The following PRRC2C variants were observed in gnomAD, a reference collection of about 807,000 sequenced individuals.
The protein encoded by PRRC2C is protein PRRC2C.
In PRRC2C, 72 loss-of-function variants were observed where a neutral mutation model predicts 317.2. The ratio of observed to expected loss-of-function variants is 0.23; its 90% confidence interval spans 0.19 to 0.28. The LOEUF (loss-of-function observed/expected upper bound fraction) is 0.28. Ranked by LOEUF, PRRC2C falls within the 10% of genes least tolerant of loss-of-function variation. The pLI is 1.00. For synonymous variants in PRRC2C, 1,296 were observed against 1,205.9 expected (o/e 1.07, Z -1.55); for missense variants, 3,074 against 3,459.7 (o/e 0.89, Z 2.80).
chr1:171,497,981 A>AT (rs60519098), intron 1 of PRRC2C, among the ~76,000 whole-genome samples: 148 of 130,664 alleles, frequency 1.1e-3, no homozygotes, highest in Non-Finnish European at 1.3e-3. Flanking sequence ...TACCCAGCTA[A>AT]TTTTTTTTTT....
intron 17 of PRRC2C, 115 bp downstream of exon 17, chr1:171,545,802 G>C: frequency 1.4e-6 from 1 of 725,484 alleles, no homozygotes; most frequent in Non-Finnish European, 1.9e-6. Context: ...AAGAAGGAAA[G>C]ATTTGGACAT....
intron 23 of PRRC2C, among the ~76,000 whole-genome samples, chr1:171,569,752 C>A (rs1684415495): frequency 6.6e-6 from 1 of 150,628 alleles, no homozygotes; most frequent in South Asian, 2.1e-4. Flanking sequence ...TTTAATTATA[C>A]TTTGTGTCTT....
chr1:171,514,655 C>CA lies in PRRC2C; in HGVS notation c.400+11dup. On this transcript the variant is annotated intron_variant, in intron 4 of 34. Coordinates refer to ENST00000647382, the MANE Select transcript of PRRC2C (RefSeq NM_001387844.1). ...GGTGGGCAAGGAGATGGTAAGTGGACATTAGTTGGGGAAGCTGCCTAGGCT... is the reference window on the plus strand; with the variant it reads ...GGTGGGCAAGGAGATGGTAAGTGGACAATTAGTTGGGGAAGCTGCCTAGGCT... 1 of 1,550,782 alleles carries CA rather than the reference C, an allele frequency of 6.4e-7. No individual in the cohort carries two copies. The highest frequency in any genetic ancestry group is 8.7e-7 in the Non-Finnish European group (1 of 1,145,816).
At chr1:171,507,622 A>T (rs186620449) in intron 1 of PRRC2C, among the ~76,000 whole-genome samples, 1 of 152,056 alleles carries the variant, frequency 6.6e-6, no homozygotes, top group Non-Finnish European at 1.5e-5. Flanking sequence ...TCAAAAAAAA[A>T]ATCTCTACCT....
At chr1:171,505,934 C>T (rs966779606) in intron 1 of PRRC2C, among the ~76,000 whole-genome samples, 1 of 152,174 alleles carries the variant, frequency 6.6e-6, no homozygotes, top group East Asian at 1.9e-4. Context: ...GCTTTTGTTA[C>T]CGTTGTGTAC....
chr1:171,545,175 A>G (rs541597713), intron 16 of PRRC2C, among the ~76,000 whole-genome samples: 111 of 152,318 alleles, frequency 7.3e-4, no homozygotes, highest in African/African-American at 2.7e-3. Context: ...TCTGCTATAA[A>G]CAGTGTTAAT....
At chr1:171,536,442 A>T (rs1168604437) in intron 14 of PRRC2C, among the ~76,000 whole-genome samples, 164 bp downstream of exon 14, 2 of 152,182 alleles carry the variant, frequency 1.3e-5, no homozygotes, top group Non-Finnish European at 2.9e-5. Flanking sequence ...TCTGACACTC[A>T]TATTACTTAT....
At chr1:171,561,167 G>C in intron 20 of PRRC2C, 64 bp downstream of exon 20, 1 of 1,438,344 alleles carries the variant, frequency 7.0e-7, no homozygotes, top group Middle Eastern at 1.7e-4. Flanking sequence ...GTGTGGCCGG[G>C]TGTGGTGGCT....
intron 17 of PRRC2C, among the ~76,000 whole-genome samples, chr1:171,546,547 ACAT>A (rs1679150627): frequency 6.6e-6 from 1 of 152,214 alleles, no homozygotes; most frequent in Non-Finnish European, 1.5e-5. Context: ...TGTGGTCCCC[ACAT>A]CATCAGCATT....
At chr1:171,564,590 C>A (rs149260512) in intron 20 of PRRC2C, among the ~76,000 whole-genome samples, 3 of 152,280 alleles carry the variant, frequency 2.0e-5, no homozygotes, top group African/African-American at 7.2e-5. Context: ...AACAGAGATA[C>A]GTCCTGAGAA....
intron 18 of PRRC2C, among the ~76,000 whole-genome samples, chr1:171,553,859 A>G (rs1421622817): frequency 6.6e-6 from 1 of 152,134 alleles, no homozygotes; most frequent in African/African-American, 2.4e-5. Context: ...CTGTTCTTTT[A>G]CATTTGGTGA....
intron 11 of PRRC2C, among the ~76,000 whole-genome samples, chr1:171,528,323 C>T (rs185613086): frequency 7.0e-6 from 1 of 142,440 alleles, no homozygotes; most frequent in Admixed American, 7.2e-5. Flanking sequence ...GAGTCTAGCT[C>T]TGTCGCCCAG....
chr1:171,579,280 G>A, intron 26 of PRRC2C, 74 bp from the exon 27 acceptor site: 1 of 1,499,268 alleles, frequency 6.7e-7, no homozygotes. Context: ...TACAAAACTT[G>A]GTTTTTATTT....
rs568173061 is a variant in PRRC2C at position 171,532,846 on chromosome 1, A to G, written c.1758A>G (p.Glu586=). ...AACTACAAAAGATGAAAGAACAAGA[A>G]AAGGAATGTGAGCTGGAGAAGGAAA... The part of the protein sequence containing the change: ...EKELQKMKEQ[E]KECELEKERE... The change falls in exon 12 of 35, where the codon GAA becomes GAG. Residue 586 remains glutamate (E), a synonymous_variant. Transcript: ENST00000647382. 10 of 1,602,120 alleles carry G rather than the reference A, an allele frequency of 6.2e-6. No homozygotes were observed. The East Asian group carries it at 1.8e-4, about 29-fold the overall frequency.
At chr1:171,552,617 A>C (rs1039503823) in intron 18 of PRRC2C, among the ~76,000 whole-genome samples, 3 of 152,172 alleles carry the variant, frequency 2.0e-5, no homozygotes, top group Non-Finnish European at 4.4e-5. Context: ...AGTAGCTCTT[A>C]TTATTTTGAG....
In PRRC2C at chr1:171,568,242, C is replaced by T; in HGVS notation, c.6559-5C>T. 1 of 1,598,940 alleles carries T rather than the reference C, an allele frequency of 6.3e-7. No homozygotes were observed. Among genetic ancestry groups the T allele is most frequent in the Non-Finnish European group, 8.5e-7 (1 of 1,172,212 alleles). ...ATGTATTTTTTTTCTATTACTACTT[C>T]ACAGGAGTCTGTAACAGACTATACT... On this transcript the variant is annotated splice_region_variant and splice_polypyrimidine_tract_variant and intron_variant, in intron 22 of 34. Transcript: ENST00000647382.
At chr1:171,572,121 A>G (rs1684859154) in intron 24 of PRRC2C, among the ~76,000 whole-genome samples, 1 of 151,916 alleles carries the variant, frequency 6.6e-6, no homozygotes, top group South Asian at 2.1e-4. Context: ...AAAAGTGCAA[A>G]CATGGAATTA....
chr1:171,542,162 G>A lies in PRRC2C; in HGVS notation c.4696G>A (p.Gly1566Arg). ...RRGNNGPPKS[G>R]RNFSGPRNER... ...TGGCAACAATGGTCCACCCAAATCA[G>A]GAAGGAATTTCTCAGGTCCTAGAAA... Residue 1566 changes from glycine (G) to arginine (R), a missense_variant, in exon 16 of 35, where the codon GGA becomes AGA. Around this residue, in one of 11 missense-constraint regions of PRRC2C, gnomAD observed 178 missense variants for 163.0 expected, o/e 1.09. Transcript: ENST00000647382. 6.2e-7 allele frequency: 1 copy of A among 1,605,582 alleles called. No homozygotes were observed. The highest frequency in any genetic ancestry group is 8.5e-7 in the Non-Finnish European group (1 of 1,176,904).
At position 171,524,871 on chromosome 1, in the gene PRRC2C, C is replaced by T; in HGVS notation, c.1106C>T (p.Thr369Ile). The change falls in exon 10 of 35, where the codon ACA becomes ATA. Residue 369 changes from threonine to isoleucine, a missense_variant. Physicochemically the swap from Thr to Ile is moderately conservative, Grantham distance 89. Around this residue, in one of 11 missense-constraint regions of PRRC2C, gnomAD observed 1,320 missense variants for 1,395.7 expected, o/e 0.95. Transcript: ENST00000647382. ...GAAAACAACGAAAACAAAAAAGAAA[C>T]AGATGAAGTTTCCAACACTAAATCA... ...ASENNENKKETDEVSNTKSSS... is the reference protein window; with the variant it reads ...ASENNENKKEIDEVSNTKSSS... 1.2e-6 allele frequency: 2 copies of T among 1,601,912 alleles called. No homozygotes were observed. The highest frequency in any genetic ancestry group is 1.7e-6 in the Non-Finnish European group (2 of 1,173,622).
Sources: gnomAD v4.1 joint callset for allele counts (sites outside exome capture counted in the v4.1 genomes callset) on GRCh38, gnomAD v4.1.1 for gene constraint, gnomAD v4.1.1 regional missense constraint, MANE v1.5 for transcripts, NCBI Gene and HGNC (gene_info 2026-07-23, HGNC 2026-07-21) for gene names.